ICA1L: variants seen among roughly 807,000 people sequenced by gnomAD.
ICA1L encodes islet cell autoantigen 1 like, also known as islet cell autoantigen 1-like protein.
In ICA1L, 50 loss-of-function variants were observed where a neutral mutation model predicts 61.3. The observed-to-expected ratio is 0.82, with a 90% CI of 0.65 to 1.03. ICA1L has a LOEUF of 1.03. ICA1L is among the 50% of genes least tolerant of loss of function. The pLI, the probability that ICA1L is intolerant of heterozygous loss-of-function variation, is 0.00. For synonymous variants in ICA1L, 161 were observed against 191.3 expected (o/e 0.84, Z 1.31); for missense variants, 508 against 556.7 (o/e 0.91, Z 0.88).
At chr2:202,856,051 T>C (rs147100405) in intron 1 of ICA1L, among the ~76,000 whole-genome samples, 13,180 of 129,882 alleles carry the variant, frequency 0.1, 724 homozygotes, top group Middle Eastern at 0.15. Context: ...CTAGCCTGGG[T>C]GACAAAGCGA....
At chr2:202,805,709 A>G (rs1389041178) in intron 9 of ICA1L, among the ~76,000 whole-genome samples, 2 of 152,244 alleles carry the variant, frequency 1.3e-5, no homozygotes, top group African/African-American at 4.8e-5. Flanking sequence ...AATAATAATA[A>G]TAAACCATTG....
chr2:202,848,599 G>A (rs920463881), intron 1 of ICA1L, among the ~76,000 whole-genome samples: 2 of 152,078 alleles, frequency 1.3e-5, no homozygotes, highest in African/African-American at 2.4e-5. Context: ...TTACTATTTG[G>A]CCATTTACAG....
intron 1 of ICA1L, among the ~76,000 whole-genome samples, chr2:202,844,996 A>T (rs1394333887): frequency 1.3e-5 from 2 of 152,168 alleles, no homozygotes; most frequent in Admixed American, 6.5e-5. Context: ...TCCATCTTTA[A>T]GGCCAGCAGC....
Position 202,776,360 on chromosome 2 carries a change from T to TG in ICA1L, c.*3172_*3173insC, listed in dbSNP as rs1426255855. On this transcript the variant is annotated 3_prime_UTR_variant, in exon 13 of 13. Coordinates refer to ENST00000358299, the MANE Select transcript of ICA1L (RefSeq NM_001288622.3). ...CATTTTTATCCAGTATAACATAAAG[T>TG]ATAGATATTTCTCCCCATTTAACAT... The TG allele has an allele frequency of 9.2e-5, 14 of 151,932 alleles. No individual in the cohort carries two copies. Among genetic ancestry groups the TG allele is most frequent in the African/African-American group, 3.4e-4 (14 of 41,200 alleles). 9.4% of individuals were successfully genotyped at this position (151,932 alleles called of 1,614,324 possible).
chr2:202,857,180 C>G (rs1694790878), intron 1 of ICA1L, among the ~76,000 whole-genome samples: 1 of 152,126 alleles, frequency 6.6e-6, no homozygotes, highest in South Asian at 2.1e-4. Flanking sequence ...CCAAGACAAT[C>G]CTAAGCAAAA....
chr2:202,813,405 A>G (rs567488650), intron 8 of ICA1L, among the ~76,000 whole-genome samples: 1 of 152,322 alleles, frequency 6.6e-6, no homozygotes, highest in South Asian at 2.1e-4. Flanking sequence ...AATGTCTTAT[A>G]CTACATTTGT....
chr2:202,820,948 G>GA (rs1439994489), intron 4 of ICA1L, among the ~76,000 whole-genome samples: 1 of 152,034 alleles, frequency 6.6e-6, no homozygotes, highest in Admixed American at 6.6e-5. Flanking sequence ...TAATTAAGAA[G>GA]AAAAAATTTC....
rs1692127650 is a variant in ICA1L at position 202,773,781 on chromosome 2, G to A, written c.*5752C>T. The A allele has an allele frequency of 4.3e-6, 6 of 1,382,350 alleles. No homozygotes were observed. Among genetic ancestry groups the A allele is most frequent in the Non-Finnish European group, 6.2e-6 (6 of 971,968 alleles). 85.6% of individuals were successfully genotyped at this position (1,382,350 alleles called of 1,614,324 possible). On this transcript the variant is annotated 3_prime_UTR_variant, in exon 13 of 13. Transcript: ENST00000358299. The stretch of plus-strand genomic sequence containing the variant: ...CCAAAGGTGGAAGAATACATACACC[G>A]GTATGGTAATAGGCAAGAGCAGGCT...
At chr2:202,866,244 T>C (rs1687507728) in intron 1 of ICA1L, among the ~76,000 whole-genome samples, 3 of 152,156 alleles carry the variant, frequency 2.0e-5, no homozygotes, top group Admixed American at 2.0e-4. Context: ...GAGTGAGTTC[T>C]TACTCTCTAA....
chr2:202,781,242 A>ATAAAG (rs1257357061), intron 12 of ICA1L, among the ~76,000 whole-genome samples: 1 of 152,188 alleles, frequency 6.6e-6, no homozygotes, highest in Non-Finnish European at 1.5e-5. Context: ...CATAATGTTC[A>ATAAAG]TAAAGTAAAT....
intron 2 of ICA1L, among the ~76,000 whole-genome samples, chr2:202,827,119 C>A (rs180701404): frequency 6.6e-6 from 1 of 152,090 alleles, no homozygotes; most frequent in Non-Finnish European, 1.5e-5. Context: ...AAAGGCTGGG[C>A]GCGGTGGCTC....
rs547335040 is a variant in ICA1L at position 202,863,795 on chromosome 2, C to T, written c.-8+7824G>A. ...TGAGCCGAGATAGCACCACTGCAGT[C>T]CAGCCTGGGCAAAAGAGAGACTCCG... On this transcript the variant is annotated intron_variant, in intron 1 of 12. Transcript: ENST00000358299. Among the ~76,000 whole-genome samples, 232 of 150,544 alleles carry T rather than the reference C, an allele frequency of 1.5e-3. No individual in the cohort carries two copies. The Middle Eastern group carries it at 0.021, about 13-fold the overall frequency.
At chr2:202,822,493 C>T (rs906545778) in intron 3 of ICA1L, among the ~76,000 whole-genome samples, 10 of 151,990 alleles carry the variant, frequency 6.6e-5, no homozygotes, top group Non-Finnish European at 1.2e-4. Flanking sequence ...TTGAATTTTA[C>T]AAAGGTATCA....
chr2:202,848,110 T>G (rs1170221046), intron 1 of ICA1L, among the ~76,000 whole-genome samples: 3 of 152,004 alleles, frequency 2.0e-5, no homozygotes, highest in African/African-American at 7.2e-5. Context: ...GTGTTGAGAT[T>G]AGCCACCATG....
At chr2:202,823,863 T>C (rs1317982590) in intron 3 of ICA1L, among the ~76,000 whole-genome samples, 1 of 152,198 alleles carries the variant, frequency 6.6e-6, no homozygotes, top group Non-Finnish European at 1.5e-5. Flanking sequence ...GTGCAAAAAG[T>C]TGTTTCTCCA....
intron 1 of ICA1L, among the ~76,000 whole-genome samples, chr2:202,834,546 T>C (rs1270584695): frequency 4.6e-5 from 7 of 152,116 alleles, no homozygotes; most frequent in African/African-American, 1.7e-4. Flanking sequence ...GAGGATCACT[T>C]GACACTGGGA....
At chr2:202,852,019 C>A (rs909633566) in intron 1 of ICA1L, among the ~76,000 whole-genome samples, 55 of 152,288 alleles carry the variant, frequency 3.6e-4, no homozygotes, top group Non-Finnish European at 5.9e-4. Flanking sequence ...AATTAGATCC[C>A]ATTTGTCAAT....
At chr2:202,804,799 A>C (rs1693179789) in intron 9 of ICA1L, among the ~76,000 whole-genome samples, 1 of 152,252 alleles carries the variant, frequency 6.6e-6, no homozygotes, top group African/African-American at 2.4e-5. Flanking sequence ...TCAAATAATT[A>C]GTGTCATAAG....
intron 1 of ICA1L, chr2:202,871,298 G>C (rs1233961812): frequency 6.6e-6 from 1 of 152,168 alleles, no homozygotes; most frequent in African/African-American, 2.4e-5. Context: ...TCACTACAGC[G>C]AGCGTGGCCG....
Sources: gnomAD v4.1 joint callset for allele counts (sites outside exome capture counted in the v4.1 genomes callset) on GRCh38, gnomAD v4.1.1 for gene constraint, MANE v1.5 for transcripts, NCBI Gene and HGNC (gene_info 2026-07-23, HGNC 2026-07-21) for gene names.